Variants in ADCY2 observed in about 807,000 individuals in gnomAD.
ADCY2 encodes adenylate cyclase 2.
ADCY2 carries 31 observed loss-of-function variants against 125.2 expected under a neutral mutation model. That is an observed-to-expected ratio of 0.25 (90% confidence interval 0.19 to 0.33). ADCY2 has a LOEUF of 0.33. Ranked by LOEUF, ADCY2 falls within the 10% of genes least tolerant of loss-of-function variation. The pLI is 1.00. For synonymous variants in ADCY2, 512 were observed against 548.4 expected, an observed-to-expected ratio of 0.93 and a Z score of 0.93; for missense variants, 904 against 1,418.2, an observed-to-expected ratio of 0.64 and a Z score of 5.82.
intron 2 of ADCY2, among the ~76,000 whole-genome samples, chr5:7,482,374 T>C (rs924403706): frequency 2.0e-5 from 3 of 152,186 alleles, no homozygotes; most frequent in Admixed American, 6.5e-5. Flanking sequence ...ATAATTTCTC[T>C]CATTCTTCAG....
At chr5:7,759,540 G>C (rs1403996667) in intron 16 of ADCY2, among the ~76,000 whole-genome samples, 2 of 152,220 alleles carry the variant, frequency 1.3e-5, no homozygotes, top group African/African-American at 4.8e-5. Context: ...CCTTCTGTAA[G>C]ATGAGCGAGT....
At chr5:7,567,489 T>C (rs1735936668) in intron 3 of ADCY2, among the ~76,000 whole-genome samples, 1 of 152,242 alleles carries the variant, frequency 6.6e-6, no homozygotes, top group Non-Finnish European at 1.5e-5. Flanking sequence ...TAGTTCTTTT[T>C]GTGTAAACTT....
chr5:7,551,739 G>T (rs1735349326), intron 3 of ADCY2, among the ~76,000 whole-genome samples: 1 of 152,094 alleles, frequency 6.6e-6, no homozygotes, highest in Non-Finnish European at 1.5e-5. Context: ...TTTGTAGGAA[G>T]CTTATTTCAA....
chr5:7,792,935 A>T (rs1469116734), intron 20 of ADCY2, among the ~76,000 whole-genome samples: 1 of 152,142 alleles, frequency 6.6e-6, no homozygotes, highest in Non-Finnish European at 1.5e-5. Context: ...CATTTCACAG[A>T]GGCGTGCACG....
At chr5:7,426,912 G>T (rs1361761412) in intron 2 of ADCY2, among the ~76,000 whole-genome samples, 1 of 152,172 alleles carries the variant, frequency 6.6e-6, no homozygotes, top group Admixed American at 6.5e-5. Context: ...GCCAAGAGTG[G>T]TGAACAGAGC....
At chr5:7,462,405 T>C (rs1741947606) in intron 2 of ADCY2, among the ~76,000 whole-genome samples, 1 of 152,202 alleles carries the variant, frequency 6.6e-6, no homozygotes, top group South Asian at 2.1e-4. Flanking sequence ...CAAGTTTTAA[T>C]TTCTTGATTA....
intron 4 of ADCY2, among the ~76,000 whole-genome samples, chr5:7,684,709 G>T (rs1740453331): frequency 6.6e-6 from 1 of 150,650 alleles, no homozygotes; most frequent in African/African-American, 2.4e-5. Flanking sequence ...GTTCCATCCA[G>T]TCTCAACTCG....
At chr5:7,482,888 T>C (rs1291150002) in intron 2 of ADCY2, among the ~76,000 whole-genome samples, 1 of 151,414 alleles carries the variant, frequency 6.6e-6, no homozygotes, top group Non-Finnish European at 1.5e-5. Flanking sequence ...TGGATGGAAC[T>C]GGAGGTTCAA....
chr5:7,519,558 A>C (rs1744369610), intron 2 of ADCY2, among the ~76,000 whole-genome samples: 1 of 152,146 alleles, frequency 6.6e-6, no homozygotes, highest in African/African-American at 2.4e-5. Flanking sequence ...ATGTTCTTCT[A>C]TCTCTGCTCC....
chr5:7,557,378 T>G (rs2126582888), intron 3 of ADCY2, among the ~76,000 whole-genome samples: 1 of 152,190 alleles, frequency 6.6e-6, no homozygotes, highest in Admixed American at 6.5e-5. Context: ...GTTTGTTTTT[T>G]AGCTTTTATT....
intron 3 of ADCY2, among the ~76,000 whole-genome samples, chr5:7,531,413 C>G (rs75023592): frequency 0.018 from 2,789 of 152,232 alleles, 36 homozygotes; most frequent in Non-Finnish European, 0.028. Flanking sequence ...TCGACCACCC[C>G]CCAGATGAGA....
intron 15 of ADCY2, among the ~76,000 whole-genome samples, chr5:7,751,726 T>G (rs1482686309): frequency 1.3e-5 from 2 of 152,134 alleles, no homozygotes; most frequent in Admixed American, 6.5e-5. Context: ...GAGTCTTAGT[T>G]GCAGCTGTCC....
At chr5:7,573,130 G>C (rs2126603118) in intron 3 of ADCY2, among the ~76,000 whole-genome samples, 1 of 152,274 alleles carries the variant, frequency 6.6e-6, no homozygotes. Flanking sequence ...CCTACACCAT[G>C]ATTGTGGACT....
At chr5:7,428,824 CA>C (rs34800285) in intron 2 of ADCY2, among the ~76,000 whole-genome samples, 2 of 152,006 alleles carry the variant, frequency 1.3e-5, no homozygotes, top group African/African-American at 2.4e-5. Flanking sequence ...AGAAGGGGAA[CA>C]AAAAAAGTGA....
chr5:7,512,606 G>A (rs1047466741), intron 2 of ADCY2, among the ~76,000 whole-genome samples: 1 of 152,160 alleles, frequency 6.6e-6, no homozygotes, highest in Non-Finnish European at 1.5e-5. Flanking sequence ...TGTGAAAATT[G>A]CATCCACATA....
At chr5:7,657,168 G>T (rs796304586) in intron 4 of ADCY2, among the ~76,000 whole-genome samples, 5 of 152,254 alleles carry the variant, frequency 3.3e-5, no homozygotes, top group African/African-American at 1.2e-4. Context: ...TCTGAAATCC[G>T]AAACACTTCT....
At chr5:7,653,880 A>G in intron 4 of ADCY2, 1 of 238,432 alleles carries the variant, frequency 4.2e-6, no homozygotes, top group South Asian at 4.9e-5. Flanking sequence ...CAAAAATTAT[A>G]AATTCTTACC....
rs1579362236 is a variant in ADCY2 at position 7,727,107 on chromosome 5, T to C, written c.1774-57T>C. The C allele has an allele frequency of 4.5e-6, 6 of 1,329,168 alleles. No individual in the cohort carries two copies. In the East Asian group the frequency reaches 1.4e-4, roughly 31 times the overall value. 82.3% of individuals were successfully genotyped at this position (1,329,168 alleles called of 1,614,324 possible). A position where few individuals can be genotyped will look rare whatever the true frequency, so the allele number is the denominator to read the frequency against. On this transcript the variant is annotated intron_variant, in intron 13 of 24. Transcript: ENST00000338316. ...TGGGTACAACTAGGCTGCTGGACAC[T>C]GTGTGCAGCTCTTCTCTTGGAGAAC... is the stretch of plus-strand genomic sequence containing the variant.
intron 1 of ADCY2, among the ~76,000 whole-genome samples, chr5:7,407,001 C>G (rs1357517864): frequency 6.6e-6 from 1 of 152,144 alleles, no homozygotes; most frequent in Non-Finnish European, 1.5e-5. Flanking sequence ...AAATAATTTC[C>G]TGGCACCACA....
Sources: allele counts gnomAD v4.1 joint callset (sites outside exome capture counted in the v4.1 genomes callset), GRCh38; gene constraint gnomAD v4.1.1; transcripts MANE v1.5; gene names NCBI Gene and HGNC (gene_info 2026-07-23, HGNC 2026-07-21).